CELF1: variants seen among roughly 807,000 people sequenced by gnomAD.
CELF1 encodes 50 kDa nuclear polyadenylated RNA-binding protein.
A neutral mutation model predicts 61.8 loss-of-function variants in CELF1; 10 were observed. The observed-to-expected ratio is 0.16, with a 90% CI of 0.10 to 0.27. CELF1 has a LOEUF of 0.27. Ranked by LOEUF, CELF1 falls within the 10% of genes least tolerant of loss-of-function variation. The pLI is 1.00. For synonymous variants in CELF1, 236 were observed against 225.1 expected, an observed-to-expected ratio of 1.05 and a Z score of -0.43; for missense variants, 380 against 639.1, an observed-to-expected ratio of 0.59 and a Z score of 4.37.
intron 3 of CELF1, among the ~76,000 whole-genome samples, chr11:47,493,057 T>C (rs2092191501): frequency 6.6e-6 from 1 of 152,146 alleles, no homozygotes; most frequent in East Asian, 1.9e-4. Context: ...CACAAGTCAA[T>C]ATATGTAGAT....
chr11:47,544,350 A>G (rs970817834), intron 1 of CELF1, among the ~76,000 whole-genome samples: 14 of 152,222 alleles, frequency 9.2e-5, no homozygotes, highest in Admixed American at 9.2e-4. Flanking sequence ...GGCACTGTTC[A>G]GTGCCTAGCA....
At position 47,471,895 on chromosome 11, in the gene CELF1, G is replaced by A. The variant is rs560246454; in HGVS notation, c.*335C>T. 3 of 202,664 alleles carry A rather than the reference G, an allele frequency of 1.5e-5. No homozygotes were observed. The highest frequency in any genetic ancestry group is 1.2e-4 in the South Asian group (1 of 8,574). 12.6% of individuals were successfully genotyped at this position (202,664 alleles called of 1,614,324 possible). On this transcript the variant is annotated 3_prime_UTR_variant, in exon 15 of 15. Transcript: ENST00000687097. ...TTCCCTGTCCCCCTTCCCCAGGGTG[G>A]TTTGGTGTTGGTCCTTCTCAACACA...
intron 1 of CELF1, among the ~76,000 whole-genome samples, chr11:47,528,950 G>C (rs1323353847): frequency 3.3e-5 from 5 of 151,926 alleles, no homozygotes; most frequent in Admixed American, 1.3e-4. Flanking sequence ...TCCCAGGCTA[G>C]AGTCCAGTGG....
At position 47,482,620 on chromosome 11, in the gene CELF1, G is replaced by C. The variant is rs997470628; in HGVS notation, c.768+75C>G. 21 of 1,431,746 alleles carry C rather than the reference G, an allele frequency of 1.5e-5. No individual in the cohort carries two copies. In the African/African-American group the frequency reaches 2.4e-4, roughly 17 times the overall value. 88.7% of individuals were successfully genotyped at this position (1,431,746 alleles called of 1,614,324 possible). A position where few individuals can be genotyped will look rare whatever the true frequency, so the allele number is the denominator to read the frequency against. ...AAAAGTTGTAAATGCCACTGTGTTT[G>C]TTGGCTAGGGACAGCAGAAGAAGGA... On this transcript the variant is annotated intron_variant, in intron 9 of 14. Coordinates refer to ENST00000687097, the MANE Select transcript of CELF1 (RefSeq NM_001376376.1).
chr11:47,545,745 G>A (rs1261687144), intron 1 of CELF1, among the ~76,000 whole-genome samples: 1 of 151,898 alleles, frequency 6.6e-6, no homozygotes, highest in African/African-American at 2.4e-5. Context: ...TGCCCAGGCT[G>A]GTCTCAAGCT....
At chr11:47,478,513 C>T (rs1166176543) in intron 10 of CELF1, among the ~76,000 whole-genome samples, 2 of 152,238 alleles carry the variant, frequency 1.3e-5, no homozygotes, top group African/African-American at 2.4e-5. Context: ...CCATCTTTGG[C>T]TTTTCTGCAG....
intron 1 of CELF1, among the ~76,000 whole-genome samples, chr11:47,551,327 G>A (rs1375355492): frequency 1.3e-5 from 2 of 152,100 alleles, no homozygotes. Flanking sequence ...AACCACTAGG[G>A]GAACCATAAC....
intron 1 of CELF1, among the ~76,000 whole-genome samples, chr11:47,535,615 G>A (rs2096607959): frequency 6.7e-6 from 1 of 148,910 alleles, no homozygotes; most frequent in African/African-American, 2.5e-5. Flanking sequence ...GGAGGTGGAG[G>A]TTGCAGTGAG....
At chr11:47,534,179 C>T (rs1025657687) in intron 1 of CELF1, among the ~76,000 whole-genome samples, 1 of 151,544 alleles carries the variant, frequency 6.6e-6, no homozygotes, top group Non-Finnish European at 1.5e-5. Flanking sequence ...CAGGCGCCTG[C>T]CACCATGCCC....
rs897963358 is a variant in CELF1, at chr11:47,553,044, AGCCGCC to A, written c.-212_-207del. On this transcript the variant is annotated 5_prime_UTR_variant, in exon 1 of 15. Transcript: ENST00000687097. ...CCTCAGTTGCTGCCTGCGCCTCCGCAGCCGCCGCCGCCGCCTCGCTGCTGAGGCCGA... is the reference window on the plus strand; with the variant it reads ...CCTCAGTTGCTGCCTGCGCCTCCGCAGCCGCCGCCTCGCTGCTGAGGCCGA... The A allele has an allele frequency of 7.5e-6, 3 of 399,272 alleles. No individual in the cohort carries two copies. The highest frequency in any genetic ancestry group is 2.1e-5 in the African/African-American group (1 of 47,070). The allele number at this position is 399,272 out of a possible 1,614,324, so 24.7% of individuals were successfully genotyped here. A position where few individuals can be genotyped will look rare whatever the true frequency, so the allele number is the denominator to read the frequency against.
In CELF1 at chr11:47,487,141, T is replaced by A; in HGVS notation, c.342+18A>T. 6.3e-7 allele frequency: 1 copy of A among 1,577,112 alleles called. No individual in the cohort carries two copies. Among genetic ancestry groups the A allele is most frequent in the South Asian group, 1.1e-5 (1 of 90,150 alleles). On this transcript the variant is annotated intron_variant, in intron 5 of 14. Coordinates refer to ENST00000687097, the MANE Select transcript of CELF1 (RefSeq NM_001376376.1). ...TCAAAGTTACCACATTTCCATTTACTAGTGGGAGCTTTCTTACCCCTGGGA... is the reference window on the plus strand; with the variant it reads ...TCAAAGTTACCACATTTCCATTTACAAGTGGGAGCTTTCTTACCCCTGGGA...
intron 1 of CELF1, among the ~76,000 whole-genome samples, chr11:47,542,463 T>TA (rs1040136981): frequency 1.3e-5 from 2 of 150,212 alleles, no homozygotes; most frequent in Middle Eastern, 3.5e-3. Flanking sequence ...ATGCAATCAC[T>TA]AAAAAAACCT....
At chr11:47,504,500 C>T (rs565599343) in intron 1 of CELF1, among the ~76,000 whole-genome samples, 3 of 152,126 alleles carry the variant, frequency 2.0e-5, no homozygotes, top group South Asian at 2.1e-4. Flanking sequence ...ATCACCTGAC[C>T]CCAGGAAGGT....
At chr11:47,550,699 T>A (rs193035484) in intron 1 of CELF1, among the ~76,000 whole-genome samples, 12 of 152,236 alleles carry the variant, frequency 7.9e-5, no homozygotes, top group East Asian at 5.8e-4. Flanking sequence ...GTTTTTTTTT[T>A]ATAGTGAATC....
chr11:47,542,101 G>T (rs2096822631), intron 1 of CELF1, among the ~76,000 whole-genome samples: 1 of 152,174 alleles, frequency 6.6e-6, no homozygotes, highest in South Asian at 2.1e-4. Context: ...TGGGCGCGGT[G>T]GCGTGCGTCT....
chr11:47,563,015 G>A (rs748015311), intron 2 of CELF1, among the ~76,000 whole-genome samples: 3 of 151,806 alleles, frequency 2.0e-5, no homozygotes, highest in Admixed American at 6.6e-5. Flanking sequence ...GCCCAGTCCC[G>A]AGATCAGTTT....
intron 1 of CELF1, among the ~76,000 whole-genome samples, chr11:47,529,452 C>T (rs550906988): frequency 9.2e-5 from 14 of 152,112 alleles, no homozygotes; most frequent in South Asian, 6.2e-4. Flanking sequence ...GTTGCGAGGC[C>T]GAGGCGAGAA....
At chr11:47,528,499 C>G (rs561383507) in intron 1 of CELF1, among the ~76,000 whole-genome samples, 1 of 151,884 alleles carries the variant, frequency 6.6e-6, no homozygotes, top group Non-Finnish European at 1.5e-5. Context: ...ATCTGTAATA[C>G]AAGCACTTTG....
chr11:47,530,076 C>T (rs1246053327), intron 1 of CELF1, among the ~76,000 whole-genome samples: 1 of 152,104 alleles, frequency 6.6e-6, no homozygotes, highest in East Asian at 1.9e-4. Flanking sequence ...CTCATGGCAA[C>T]CTAAATCATC....
Sources: allele counts gnomAD v4.1 joint callset (sites outside exome capture counted in the v4.1 genomes callset), GRCh38; gene constraint gnomAD v4.1.1; transcripts MANE v1.5; gene names NCBI Gene and HGNC (gene_info 2026-07-23, HGNC 2026-07-21).